SLC25A26: variants seen among roughly 807,000 people sequenced by gnomAD.
SLC25A26 encodes solute carrier family 25 member 26.
Under a neutral mutation model 37.8 loss-of-function variants are expected in SLC25A26, and 36 were observed. That is an observed-to-expected ratio of 0.95 (90% CI 0.73 to 1.26). The LOEUF is 1.26. Among genes scored for constraint, SLC25A26 ranks in the 50% most tolerant of loss-of-function variants. The pLI is 0.00. For missense variants in SLC25A26, 390 were observed against 331.1 expected (o/e 1.18, Z -1.38); for synonymous variants, 129 against 122.5 (o/e 1.05, Z -0.35).
At chr3:66,361,793 G>A (rs150588669) in intron 6 of SLC25A26, among the ~76,000 whole-genome samples, 31 of 152,124 alleles carry the variant, frequency 2.0e-4, no homozygotes, top group East Asian at 1.7e-3. Context: ...GTGAAACCCC[G>A]TGTCTAGGAC....
chr3:66,359,392 CTT>C (rs1173607884), intron 6 of SLC25A26, among the ~76,000 whole-genome samples: 1 of 152,180 alleles, frequency 6.6e-6, no homozygotes, highest in African/African-American at 2.4e-5. Context: ...GAATTTATGA[CTT>C]GCATAACATT....
At chr3:66,315,729 A>G (rs949491624) in intron 5 of SLC25A26, among the ~76,000 whole-genome samples, 6 of 152,130 alleles carry the variant, frequency 3.9e-5, no homozygotes, top group African/African-American at 9.7e-5. Flanking sequence ...GTCTCCCACT[A>G]TACTTGTGTG....
intron 1 of SLC25A26, among the ~76,000 whole-genome samples, chr3:66,221,619 C>T (rs1290239237): frequency 1.3e-5 from 2 of 151,804 alleles, no homozygotes; most frequent in Non-Finnish European, 2.9e-5. Flanking sequence ...ATTTCTGCTC[C>T]AAGCCTAGGC....
chr3:66,237,172 T>A (rs138215920), intron 2 of SLC25A26, among the ~76,000 whole-genome samples: 12 of 152,300 alleles, frequency 7.9e-5, no homozygotes, highest in African/African-American at 2.9e-4. Context: ...GATAGTGTTA[T>A]AGATTCCATT....
intron 5 of SLC25A26, among the ~76,000 whole-genome samples, chr3:66,321,061 T>G (rs993691374): frequency 2.0e-5 from 3 of 152,060 alleles, no homozygotes; most frequent in Non-Finnish European, 4.4e-5. Flanking sequence ...ATTAGCATCT[T>G]TATAAAAAAC....
chr3:66,138,484 C>G (rs901190418), intron 1 of SLC25A26, among the ~76,000 whole-genome samples: 3 of 152,008 alleles, frequency 2.0e-5, no homozygotes, highest in African/African-American at 4.8e-5. Flanking sequence ...TTGCTTGGCA[C>G]TCAAAATCCA....
At chr3:66,347,724 C>T (rs948242758) in intron 6 of SLC25A26, among the ~76,000 whole-genome samples, 4 of 152,184 alleles carry the variant, frequency 2.6e-5, no homozygotes, top group African/African-American at 9.7e-5. Flanking sequence ...GGAATCAACC[C>T]AAATGCCCAT....
intron 5 of SLC25A26, among the ~76,000 whole-genome samples, chr3:66,280,842 A>G (rs1052302971): frequency 6.6e-6 from 1 of 152,082 alleles, no homozygotes; most frequent in African/African-American, 2.4e-5. Flanking sequence ...ACAATTTGAC[A>G]CTTATCATTT....
intron 1 of SLC25A26, among the ~76,000 whole-genome samples, chr3:66,145,709 G>A (rs746007021): frequency 9.2e-5 from 14 of 152,112 alleles, no homozygotes; most frequent in South Asian, 2.1e-4. Context: ...AAATTAGAAG[G>A]TGTTCCATCT....
intron 9 of SLC25A26, 128 bp from the exon 10 acceptor site, chr3:66,377,562 C>G (rs557429500): frequency 3.4e-4 from 215 of 631,632 alleles, no homozygotes; most frequent in African/African-American, 3.4e-3. Flanking sequence ...TATTTGGGAG[C>G]GTTCACAAGC....
intron 3 of SLC25A26, among the ~76,000 whole-genome samples, chr3:66,247,540 G>A (rs2072906020): frequency 6.6e-6 from 1 of 152,146 alleles, no homozygotes; most frequent in Non-Finnish European, 1.5e-5. Flanking sequence ...TGAACTCCTG[G>A]CTTCAAGCAG....
chr3:66,269,013 T>C (rs1215876524), intron 5 of SLC25A26, among the ~76,000 whole-genome samples: 1 of 152,206 alleles, frequency 6.6e-6, no homozygotes, highest in Non-Finnish European at 1.5e-5. Context: ...TTTATAGCAG[T>C]GTGAGAATGG....
At position 66,317,202 on chromosome 3, in the gene SLC25A26, T is replaced by C. The variant is rs1321891529; in HGVS notation, c.454-29162T>C. 8.5e-5 allele frequency among the ~76,000 whole-genome samples: 13 copies of C among 152,272 alleles called. No individual in the cohort carries two copies. The East Asian group carries it at 2.5e-3, about 29-fold the overall frequency. On this transcript the variant is annotated intron_variant, in intron 5 of 9. Transcript: ENST00000354883. ...AAGAGGCCCTCTGACTTTTTGAGTT[T>C]GCAGCATTTTTGCATTGATTCTTTA...
intron 3 of SLC25A26, among the ~76,000 whole-genome samples, chr3:66,255,260 A>C (rs1040243742): frequency 6.6e-6 from 1 of 152,226 alleles, no homozygotes; most frequent in Non-Finnish European, 1.5e-5. Flanking sequence ...GGCAGCATGC[A>C]TGTGCACCTG....
At chr3:66,373,627 G>C (rs1048823908) in intron 9 of SLC25A26, among the ~76,000 whole-genome samples, 2 of 151,810 alleles carry the variant, frequency 1.3e-5, no homozygotes, top group African/African-American at 4.8e-5. Context: ...GGACATAGTG[G>C]TAATTTATAA....
At chr3:66,202,474 T>G in intron 1 of SLC25A26, among the ~76,000 whole-genome samples, 1 of 145,512 alleles carries the variant, frequency 6.9e-6, no homozygotes, top group Admixed American at 7.1e-5. Context: ...AGCATGTGTA[T>G]ACCTATGTAA....
chr3:66,152,404 T>A (rs775205332), intron 1 of SLC25A26, among the ~76,000 whole-genome samples: 1 of 152,092 alleles, frequency 6.6e-6, no homozygotes, highest in Non-Finnish European at 1.5e-5. Flanking sequence ...AAAATAAGGG[T>A]GATTTATTTT....
intron 1 of SLC25A26, among the ~76,000 whole-genome samples, chr3:66,182,112 A>G (rs1252337617): frequency 6.6e-6 from 1 of 152,160 alleles, no homozygotes; most frequent in African/African-American, 2.4e-5. Context: ...CTAGGACAAA[A>G]AGAAAGAGAA....
At chr3:66,199,363 C>G (rs1235868381) in intron 1 of SLC25A26, among the ~76,000 whole-genome samples, 2 of 151,976 alleles carry the variant, frequency 1.3e-5, no homozygotes, top group Non-Finnish European at 2.9e-5. Context: ...CTACCCTTCC[C>G]TGAACAATGA....
Sources: gnomAD v4.1 joint callset for allele counts (sites outside exome capture counted in the v4.1 genomes callset) on GRCh38, gnomAD v4.1.1 for gene constraint, MANE v1.5 for transcripts, NCBI Gene and HGNC (gene_info 2026-07-23, HGNC 2026-07-21) for gene names.